ETV1: variants seen among roughly 807,000 people sequenced by gnomAD.
ETV1 encodes the protein ETS variant transcription factor 1.
In ETV1, 27 loss-of-function variants were observed where a neutral mutation model predicts 62.3. The observed-to-expected ratio is 0.43, with a 90% confidence interval of 0.32 to 0.60. The LOEUF is 0.60. Among genes scored for constraint, ETV1 ranks in the 20% least tolerant of loss-of-function variants. The pLI, the probability that ETV1 is intolerant of heterozygous loss-of-function variation, is 0.06. For synonymous variants in ETV1, 222 were observed against 199.6 expected (o/e 1.11, Z -0.94); for missense variants, 605 against 605.8 (o/e 1.00, Z 0.01).
intron 9 of ETV1, 146 bp from the exon 10 acceptor site, chr7:13,911,453 C>G: frequency 1.7e-6 from 1 of 596,892 alleles, no homozygotes; most frequent in Non-Finnish European, 3.1e-6. Context: ...ACATTTCAGG[C>G]AGGGCCCACA....
intron 12 of ETV1, among the ~76,000 whole-genome samples, chr7:13,903,866 T>G (rs895582316): frequency 2.6e-5 from 4 of 151,898 alleles, no homozygotes; most frequent in African/African-American, 9.7e-5. Context: ...GAAAAAGACA[T>G]GTTAAAGATT....
At chr7:13,900,428 C>A (rs1782291360) in intron 13 of ETV1, 3 of 256,336 alleles carry the variant, frequency 1.2e-5, no homozygotes, top group Admixed American at 5.4e-5. Context: ...TAATTGTAGA[C>A]AATGTGCAAT....
chr7:13,946,980 G>A (rs1329824417), intron 6 of ETV1, among the ~76,000 whole-genome samples: 3 of 151,984 alleles, frequency 2.0e-5, no homozygotes, highest in South Asian at 2.1e-4. Context: ...TAGTAGAGAC[G>A]GGGTTTCACC....
Position 13,911,316 on chromosome 7 carries a change from G to C in ETV1, c.803-9C>G, listed in dbSNP as rs375992330. On this transcript the variant is annotated splice_polypyrimidine_tract_variant and intron_variant, in intron 9 of 13. Transcript: ENST00000430479. ...GTGGCAGCTAGGCACTTCTGAAAGA[G>C]GAAACAATATTGGTCAAAAAGAGTC... 42 of 1,605,498 alleles carry C rather than the reference G, an allele frequency of 2.6e-5. No homozygotes were observed. The highest frequency in any genetic ancestry group is 3.5e-5 in the Non-Finnish European group (41 of 1,173,324).
chr7:13,949,291 T>G lies in ETV1; in HGVS notation c.236-10045A>C, dbSNP rs150953862. ...AGCCTTTTATACAAATATATGTAGT[T>G]AGGAATACACTCAGTAGATGAAAAG... On this transcript the variant is annotated intron_variant, in intron 6 of 13. Coordinates refer to ENST00000430479, the MANE Select transcript of ETV1 (RefSeq NM_004956.5). Among the ~76,000 whole-genome samples the G allele has an allele frequency of 1.8e-3, 269 of 152,288 alleles. 2 individuals carry two copies. Among genetic ancestry groups the G allele is most frequent in the African/African-American group, 6.0e-3 (249 of 41,554 alleles).
At chr7:13,936,507 A>G (rs1014789313) in intron 7 of ETV1, among the ~76,000 whole-genome samples, 2 of 152,332 alleles carry the variant, frequency 1.3e-5, no homozygotes, top group African/African-American at 2.4e-5. Flanking sequence ...AAACTTTCTT[A>G]GAGAATAAGT....
chr7:13,979,350 G>T (rs748203807), intron 5 of ETV1, among the ~76,000 whole-genome samples: 2 of 151,954 alleles, frequency 1.3e-5, no homozygotes, highest in Non-Finnish European at 2.9e-5. Flanking sequence ...ACAACGCTCA[G>T]TTTAATATCT....
At chr7:13,985,512 G>GC (rs1397625819) in intron 5 of ETV1, 1 of 152,080 alleles carries the variant, frequency 6.6e-6, no homozygotes, top group Non-Finnish European at 1.5e-5. Context: ...TTGATCAACT[G>GC]CATTCAAGAC....
At chr7:13,984,224 C>G (rs868470447) in intron 5 of ETV1, among the ~76,000 whole-genome samples, 2 of 151,916 alleles carry the variant, frequency 1.3e-5, no homozygotes, top group Middle Eastern at 6.8e-3. Flanking sequence ...TTAAAAGGGT[C>G]AAGATGTCTT....
At chr7:13,983,493 T>C (rs889925522) in intron 5 of ETV1, among the ~76,000 whole-genome samples, 1 of 151,946 alleles carries the variant, frequency 6.6e-6, no homozygotes. Context: ...TGGGATCAAA[T>C]AATTGCAATT....
intron 9 of ETV1, among the ~76,000 whole-genome samples, chr7:13,926,156 A>G (rs1785403790): frequency 6.6e-6 from 1 of 152,100 alleles, no homozygotes; most frequent in African/African-American, 2.4e-5. Context: ...CCTATTATAT[A>G]TTTTTAATAT....
intron 9 of ETV1, among the ~76,000 whole-genome samples, chr7:13,917,288 GTATTTATTTATTTATTTATT>G (rs71548060): frequency 1.2e-3 from 178 of 145,250 alleles, no homozygotes; most frequent in Non-Finnish European, 2.0e-3. Flanking sequence ...GTAACTTTGA[GTATTTATTTATTTATTTATT>G]TATTTATTTA....
At chr7:13,906,628 T>G in intron 11 of ETV1, 29 bp from the exon 12 acceptor site, 4 of 1,515,544 alleles carry the variant, frequency 2.6e-6, no homozygotes, top group Non-Finnish European at 3.6e-6. Flanking sequence ...AAGTTTCTAT[T>G]ATTAGCAATA....
intron 6 of ETV1, among the ~76,000 whole-genome samples, chr7:13,942,020 CTT>C (rs560415338): frequency 7.0e-3 from 702 of 99,780 alleles, no homozygotes; most frequent in African/African-American, 0.027. Context: ...CCATGCATTT[CTT>C]TTTTTTTTTT....
intron 9 of ETV1, among the ~76,000 whole-genome samples, chr7:13,916,307 T>C (rs1011099299): frequency 6.6e-6 from 1 of 152,184 alleles, no homozygotes; most frequent in Non-Finnish European, 1.5e-5. Flanking sequence ...GGTTTTAATA[T>C]GCTTGTAATA....
chr7:13,919,375 C>T (rs934175342), intron 9 of ETV1, among the ~76,000 whole-genome samples: 1 of 149,752 alleles, frequency 6.7e-6, no homozygotes, highest in African/African-American at 2.5e-5. Flanking sequence ...TGTACAGACC[C>T]ACATACTAAA....
Position 13,909,644 on chromosome 7 carries a change from C to G in ETV1, c.928G>C (p.Glu310Gln). 1 of 1,613,140 alleles carries G rather than the reference C, an allele frequency of 6.2e-7. No homozygotes were observed. The highest frequency in any genetic ancestry group is 8.5e-7 in the Non-Finnish European group (1 of 1,179,310). The part of the protein sequence containing the change: ...QFYDDTCVVP[E>Q]KFDGDIKQEP... Reference sequence around the variant, plus strand: ...GTGTAAAACCTACCATCGAATTTTTCTGGGACAACACAGGTGTCATCATAA... The same window carrying G: ...GTGTAAAACCTACCATCGAATTTTTGTGGGACAACACAGGTGTCATCATAA... Residue 310 changes from glutamate to glutamine, a missense_variant, in exon 11 of 14, where the codon GAA (glutamate) becomes CAA (glutamine). Physicochemically the swap from Glu to Gln is conservative, Grantham distance 29. Transcript: ENST00000430479.
chr7:13,914,618 T>TAAAA (rs77923443), intron 9 of ETV1, among the ~76,000 whole-genome samples: 1 of 118,976 alleles, frequency 8.4e-6, no homozygotes, highest in Non-Finnish European at 1.9e-5. Flanking sequence ...GACAAGAAAC[T>TAAAA]AAAAAAAAAA....
intron 9 of ETV1, among the ~76,000 whole-genome samples, chr7:13,917,625 G>A (rs1784329845): frequency 1.3e-5 from 2 of 148,614 alleles, no homozygotes; most frequent in South Asian, 4.6e-4. Flanking sequence ...CCAACTTTGA[G>A]TATTTATTTC....
Sources: gnomAD v4.1 joint callset for allele counts (sites outside exome capture counted in the v4.1 genomes callset) on GRCh38, gnomAD v4.1.1 for gene constraint, MANE v1.5 for transcripts, NCBI Gene and HGNC (gene_info 2026-07-23, HGNC 2026-07-21) for gene names.